CNTNAP2: variants seen among roughly 807,000 people sequenced by gnomAD.
CNTNAP2 encodes contactin associated protein 2, also known as contactin-associated protein-like 2.
In CNTNAP2, 98 loss-of-function variants were observed where a neutral mutation model predicts 155.2. The observed-to-expected ratio is 0.63, with a 90% CI of 0.54 to 0.75. The LOEUF (loss-of-function observed/expected upper bound fraction) is 0.75, where lower values mean the gene tolerates loss of function less well. CNTNAP2 is among the 30% of genes least tolerant of loss of function. CNTNAP2 has a pLI of 0.00. For missense variants in CNTNAP2, 1,727 were observed against 1,688.1 expected, an observed-to-expected ratio of 1.02 and a Z score of -0.40; for synonymous variants, 651 against 631.2, an observed-to-expected ratio of 1.03 and a Z score of -0.47.
intron 13 of CNTNAP2, among the ~76,000 whole-genome samples, chr7:147,656,420 G>C (rs991458905): frequency 2.0e-5 from 3 of 152,114 alleles, no homozygotes; most frequent in African/African-American, 7.2e-5. Flanking sequence ...TAAATTGAGC[G>C]ATGTGTGACT....
intron 18 of CNTNAP2, among the ~76,000 whole-genome samples, chr7:148,180,291 CAAG>C (rs1321263943): frequency 6.6e-6 from 1 of 152,106 alleles, no homozygotes. Flanking sequence ...CCCAAAGGAA[CAAG>C]AATAGAACCC....
intron 15 of CNTNAP2, among the ~76,000 whole-genome samples, chr7:147,984,968 A>T: frequency 6.6e-6 from 1 of 151,992 alleles, no homozygotes; most frequent in East Asian, 1.9e-4. Context: ...CACAAAAATC[A>T]GCTGCGCATG....
chr7:147,715,410 A>G (rs1563062863), intron 13 of CNTNAP2, among the ~76,000 whole-genome samples: 1 of 152,056 alleles, frequency 6.6e-6, no homozygotes, highest in Non-Finnish European at 1.5e-5. Context: ...TGTGGTTTCC[A>G]TTTTAATTTC....
At position 147,129,102 on chromosome 7, in the gene CNTNAP2, C is replaced by T. The variant is rs115629474; in HGVS notation, c.1083+266C>T. Among the ~76,000 whole-genome samples, 2,276 of 152,212 alleles carry T rather than the reference C, an allele frequency of 0.015. 67 individuals carry two copies. Among genetic ancestry groups the T allele is most frequent in the African/African-American group, 0.051 (2,133 of 41,520 alleles). On this transcript the variant is annotated intron_variant, in intron 7 of 23. Transcript: ENST00000361727. ...TTAGACTCAATATTTCTGGATGACT[C>T]GTGGCACGTGCTTCATCCCAGCAGT...
chr7:147,327,952 C>A (rs969354509), intron 9 of CNTNAP2, among the ~76,000 whole-genome samples: 2 of 151,930 alleles, frequency 1.3e-5, no homozygotes, highest in Admixed American at 1.3e-4. Flanking sequence ...ACCAAAGAAT[C>A]TAGAGAGAAT....
intron 11 of CNTNAP2, among the ~76,000 whole-genome samples, chr7:147,524,159 T>G (rs1046725159): frequency 6.6e-6 from 1 of 152,204 alleles, no homozygotes; most frequent in Non-Finnish European, 1.5e-5. Context: ...TGTTTGCAAA[T>G]AGTGCTTTGG....
rs145863643 is a variant in CNTNAP2 at position 147,830,223 on chromosome 7, G to A, written c.2099-73342G>A. ...TAAACAACAGGAATTCATTTCTCAC[G>A]GCTCTGGAGGCTGGGAAGTCCAAGA... On this transcript the variant is annotated intron_variant, in intron 13 of 23. Coordinates refer to ENST00000361727, the MANE Select transcript of CNTNAP2 (RefSeq NM_014141.6). Among the ~76,000 whole-genome samples the A allele has an allele frequency of 1.5e-3, 235 of 151,866 alleles. 3 individuals are homozygous for A. Among genetic ancestry groups the A allele is most frequent in the African/African-American group, 5.4e-3 (222 of 41,416 alleles).
At chr7:146,646,157 T>C (rs1320795854) in intron 1 of CNTNAP2, among the ~76,000 whole-genome samples, 3 of 152,198 alleles carry the variant, frequency 2.0e-5, no homozygotes, top group Non-Finnish European at 4.4e-5. Context: ...TGAAAACATA[T>C]CTGCTTAAAA....
In CNTNAP2 at chr7:147,884,151, C is replaced by T. The variant is rs147425736; in HGVS notation, c.2099-19414C>T. 5.0e-3 allele frequency among the ~76,000 whole-genome samples: 765 copies of T among 152,212 alleles called. 1 individual carries two copies. Among genetic ancestry groups the T allele is most frequent in the Middle Eastern group, 0.017 (5 of 294 alleles). On this transcript the variant is annotated intron_variant, in intron 13 of 23. Coordinates refer to ENST00000361727, the MANE Select transcript of CNTNAP2 (RefSeq NM_014141.6). ...TTTCAGGTGGCAAAAATAGTCCCTG[C>T]CAAGCCCTAAAGTGGGAATGTGCTT...
chr7:148,395,129 C>CT (rs58501638), intron 22 of CNTNAP2, among the ~76,000 whole-genome samples: 15 of 133,574 alleles, frequency 1.1e-4, no homozygotes, highest in Admixed American at 9.1e-4. Flanking sequence ...ACCCCCCCCC[C>CT]TTATTGATTA....
chr7:147,470,278 TAGC>T (rs1798193549), intron 10 of CNTNAP2, among the ~76,000 whole-genome samples: 1 of 152,080 alleles, frequency 6.6e-6, no homozygotes, highest in Non-Finnish European at 1.5e-5. Context: ...ATGAGAATAA[TAGC>T]AGTAGAGATG....
At chr7:146,382,639 A>T (rs2129105197) in intron 1 of CNTNAP2, among the ~76,000 whole-genome samples, 1 of 152,248 alleles carries the variant, frequency 6.6e-6, no homozygotes, top group Non-Finnish European at 1.5e-5. Flanking sequence ...TTTGACACCA[A>T]CCTGACCATG....
intron 21 of CNTNAP2, among the ~76,000 whole-genome samples, chr7:148,381,869 GGC>G: frequency 3.9e-4 from 1 of 2,552 alleles, no homozygotes. Context: ...ACTGCACATT[GGC>G]CCCCCCCCAG....
chr7:146,966,572 T>C (rs748044788), intron 3 of CNTNAP2, among the ~76,000 whole-genome samples: 10 of 152,212 alleles, frequency 6.6e-5, no homozygotes, highest in Non-Finnish European at 1.2e-4. Flanking sequence ...TGAGCTACTA[T>C]TGAGGGTTTC....
intron 10 of CNTNAP2, among the ~76,000 whole-genome samples, chr7:147,469,514 T>TTTTTTTTTTC: frequency 1.4e-5 from 1 of 69,370 alleles, no homozygotes; most frequent in African/African-American, 7.2e-5. Flanking sequence ...CAATTTTTTT[T>TTTTTTTTTTC]TTTTTTTTTT....
chr7:147,372,515 C>G (rs1796364309), intron 9 of CNTNAP2, among the ~76,000 whole-genome samples: 1 of 152,092 alleles, frequency 6.6e-6, no homozygotes, highest in African/African-American at 2.4e-5. Context: ...TTTTTTCTCC[C>G]ACTCTTAACA....
intron 14 of CNTNAP2, among the ~76,000 whole-genome samples, chr7:147,905,608 C>T (rs1055695799): frequency 6.6e-6 from 1 of 152,174 alleles, no homozygotes; most frequent in Non-Finnish European, 1.5e-5. Flanking sequence ...AGTGGCGGGG[C>T]GTAGTGGCTC....
intron 15 of CNTNAP2, among the ~76,000 whole-genome samples, chr7:148,001,959 T>C (rs1801906682): frequency 6.6e-6 from 1 of 152,216 alleles, no homozygotes; most frequent in Admixed American, 6.5e-5. Flanking sequence ...ATGGATGATA[T>C]CTTCTATGTC....
intron 10 of CNTNAP2, among the ~76,000 whole-genome samples, chr7:147,444,525 C>CTTTTTTTT (rs557707358): frequency 1.5e-5 from 2 of 131,878 alleles, no homozygotes; most frequent in Non-Finnish European, 1.6e-5. Context: ...ATTAAATTTT[C>CTTTTTTTT]TTTTTTTTTT....
Sources: gnomAD v4.1 joint callset for allele counts (sites outside exome capture counted in the v4.1 genomes callset) on GRCh38, gnomAD v4.1.1 for gene constraint, MANE v1.5 for transcripts, NCBI Gene and HGNC (gene_info 2026-07-23, HGNC 2026-07-21) for gene names.